The following SGSH variants were observed in gnomAD, a reference collection of about 807,000 sequenced individuals.
SGSH encodes the protein heparan sulfate sulfatase.
Under a neutral mutation model 51.0 loss-of-function variants are expected in SGSH, and 48 were observed. The observed-to-expected ratio is 0.94, with a 90% CI of 0.75 to 1.20. The LOEUF (loss-of-function observed/expected upper bound fraction) is 1.20, where lower values mean the gene tolerates loss of function less well. Among genes scored for constraint, SGSH ranks in the 50% most tolerant of loss-of-function variants. The pLI is 0.00. For missense variants in SGSH, 662 were observed against 717.8 expected (o/e 0.92, Z 0.89); for synonymous variants, 321 against 313.4 (o/e 1.02, Z -0.26).
downstream of SGSH, chr17:80,204,737 G>A (rs771347404): frequency 5.4e-5 from 23 of 425,796 alleles, no homozygotes; most frequent in Non-Finnish European, 7.5e-5. Flanking sequence ...CCTTTGGAAG[G>A]AAGAAAACCC....
chr17:80,210,345 G>A lies in SGSH; in HGVS notation c.*107C>T, dbSNP rs567331483. The stretch of plus-strand genomic sequence containing the variant: ...AAGAACCCTCCTTGGATGGGAGTGT[G>A]GACGGAAGGGCTGTTGCCACTACTC... On this transcript the variant is annotated 3_prime_UTR_variant, in exon 8 of 8. Coordinates refer to ENST00000326317, the MANE Select transcript of SGSH (RefSeq NM_000199.5). 2 of 1,457,010 alleles carry A rather than the reference G, an allele frequency of 1.4e-6. No individual in the cohort carries two copies. Among genetic ancestry groups the A allele is most frequent in the South Asian group, 1.4e-5 (1 of 71,202 alleles). The allele number at this position is 1,457,010 out of a possible 1,614,324, so 90.3% of individuals were successfully genotyped here. A position where few individuals can be genotyped will look rare whatever the true frequency, so the allele number is the denominator to read the frequency against.
intron 2 of SGSH, 88 bp from the exon 3 acceptor site, chr17:80,215,226 A>C (rs1188352716): frequency 2.1e-6 from 2 of 947,106 alleles, no homozygotes; most frequent in Admixed American, 3.9e-5. Flanking sequence ...TCCCATCCCC[A>C]GGGGCCTTCT....
At chr17:80,202,719 G>T, downstream of SGSH, 1 of 799,540 alleles carries the variant, frequency 1.3e-6, no homozygotes, top group Non-Finnish European at 1.8e-6. Flanking sequence ...TGGTGGGGCC[G>T]TCCTGGGCAC....
chr17:80,203,562 C>T, downstream of SGSH: 1 of 444,876 alleles, frequency 2.2e-6, no homozygotes, highest in Non-Finnish European at 4.0e-6. This position sits in a 1 kb window ranked among gnomAD's most constrained non-coding sequence, Gnocchi z 4.6. Flanking sequence ...TCAACAGCAC[C>T]CCCTGGGTCC....
intron 1 of SGSH, 57 bp downstream of exon 1, chr17:80,220,169 G>A: frequency 2.3e-6 from 3 of 1,331,422 alleles, no homozygotes; most frequent in Non-Finnish European, 3.1e-6. Context: ...GAGGAGGCCA[G>A]TGGCCACTTC....
rs1172713493 is a variant in SGSH at position 80,214,343 on chromosome 17, G to A, written c.507-15C>T. 1 of 1,609,746 alleles carries A rather than the reference G, an allele frequency of 6.2e-7. No individual in the cohort carries two copies. The highest frequency in any genetic ancestry group is 8.5e-7 in the Non-Finnish European group (1 of 1,178,076). The stretch of plus-strand genomic sequence containing the variant: ...GGAAGAAAGGCCTGCACGGGAGGAG[G>A]CTCATTGCCAAGGCTGCGGGGCCAC... On this transcript the variant is annotated splice_polypyrimidine_tract_variant and intron_variant, in intron 4 of 7. Coordinates refer to ENST00000326317, the MANE Select transcript of SGSH (RefSeq NM_000199.5).
intron 1 of SGSH, chr17:80,219,585 G>T (rs767708128): frequency 6.6e-6 from 1 of 152,310 alleles, no homozygotes; most frequent in Admixed American, 6.5e-5. Flanking sequence ...CAGAAAGAGG[G>T]CAACTGGCAG....
chr17:80,211,860 A>G, intron 7 of SGSH: 2 of 606,672 alleles, frequency 3.3e-6, no homozygotes, highest in Middle Eastern at 4.4e-4. Context: ...ATCCTAGCTT[A>G]GTGCTTACCA....
chr17:80,214,412 G>A (rs2041806811), intron 4 of SGSH, 84 bp from the exon 5 acceptor site: 38 of 1,472,826 alleles, frequency 2.6e-5, no homozygotes, highest in Non-Finnish European at 3.5e-5. Context: ...CTCCTCCTCT[G>A]TATCTGGAAG....
chr17:80,201,106 T>C, the SGSH span: 1 of 153,028 alleles, frequency 6.5e-6, no homozygotes, highest in Non-Finnish European at 1.5e-5. This position sits in a 1 kb window ranked among gnomAD's most constrained non-coding sequence, Gnocchi z 5.0. Context: ...ACAGAGCCCC[T>C]TGACGATGTT....
downstream of SGSH, among the ~76,000 whole-genome samples, chr17:80,207,404 A>G (rs949344418): frequency 2.6e-5 from 4 of 152,114 alleles, no homozygotes; most frequent in African/African-American, 9.7e-5. Flanking sequence ...TACAAAAACT[A>G]GCCAGGTGTG....
downstream of SGSH, chr17:80,205,222 G>A (rs1394318175): frequency 6.2e-7 from 1 of 1,602,686 alleles, no homozygotes; most frequent in African/African-American, 1.3e-5. Flanking sequence ...TGTTGCCTGG[G>A]AATCCCTCTA....
chr17:80,215,864 A>G (rs1030139472), intron 2 of SGSH, among the ~76,000 whole-genome samples: 4 of 152,168 alleles, frequency 2.6e-5, no homozygotes, highest in African/African-American at 9.7e-5. Context: ...TATTCACAAC[A>G]GCCAAAGGGT....
In SGSH at chr17:80,209,734, G is replaced by A. The variant is rs943151358; in HGVS notation, c.*718C>T. On this transcript the variant is annotated 3_prime_UTR_variant, in exon 8 of 8. Transcript: ENST00000326317. ...TAACCCAAGCCAGAGGACGGGCATC[G>A]CCATGCCTTCATCTTCGGACACTCT... 28 of 984,312 alleles carry A rather than the reference G, an allele frequency of 2.8e-5. No homozygotes were observed. The highest frequency in any genetic ancestry group is 1.6e-4 in the African/African-American group (9 of 56,418). 61.0% of individuals were successfully genotyped at this position (984,312 alleles called of 1,614,324 possible). A position where few individuals can be genotyped will look rare whatever the true frequency, so the allele number is the denominator to read the frequency against.
intron 2 of SGSH, among the ~76,000 whole-genome samples, chr17:80,215,893 C>G (rs1459941232): frequency 2.0e-5 from 3 of 152,184 alleles, no homozygotes; most frequent in Non-Finnish European, 4.4e-5. Context: ...CCCAAGTGCC[C>G]ACTGACGGAT....
chr17:80,209,482 T>C lies in SGSH; in HGVS notation c.*970A>G. On this transcript the variant is annotated 3_prime_UTR_variant, in exon 8 of 8. Transcript: ENST00000326317. Reference sequence around the variant, plus strand: ...GCCGGGCTTCTGCTCCCGAGGTGGGTGGAGGCAGGGCAGGAACGGCACATT... The same window carrying C: ...GCCGGGCTTCTGCTCCCGAGGTGGGCGGAGGCAGGGCAGGAACGGCACATT... 6.1e-6 allele frequency: 6 copies of C among 985,218 alleles called. No individual in the cohort carries two copies. Among genetic ancestry groups the C allele is most frequent in the Non-Finnish European group, 7.2e-6 (6 of 830,030 alleles). The allele number at this position is 985,218 out of a possible 1,614,324, so 61.0% of individuals were successfully genotyped here.
intron 7 of SGSH, 186 bp downstream of exon 7, chr17:80,211,885 A>G (rs2041680724): frequency 1.6e-6 from 1 of 643,324 alleles, no homozygotes; most frequent in Non-Finnish European, 2.8e-6. Flanking sequence ...TGCAATCCTG[A>G]GCAGCTTACT....
Position 80,210,111 on chromosome 17 carries a change from A to C in SGSH, c.*341T>G. On this transcript the variant is annotated 3_prime_UTR_variant, in exon 8 of 8. Transcript: ENST00000326317. ...GGTCCCCAAACCAAGCCAGAAAACA[A>C]GACTCCCTTGTCATGGGCTGGGGGC... 8.5e-7 allele frequency: 1 copy of C among 1,183,262 alleles called. No individual in the cohort carries two copies. The highest frequency in any genetic ancestry group is 1.1e-6 in the Non-Finnish European group (1 of 949,396). 73.3% of individuals were successfully genotyped at this position (1,183,262 alleles called of 1,614,324 possible). A position where few individuals can be genotyped will look rare whatever the true frequency, so the allele number is the denominator to read the frequency against.
At chr17:80,205,285 T>A, downstream of SGSH, 1 of 993,216 alleles carries the variant, frequency 1.0e-6, no homozygotes, top group Non-Finnish European at 1.4e-6. Context: ...CTTCCTCCCC[T>A]TCCTCCCTCC....
Sources: gnomAD v4.1 joint callset for allele counts (sites outside exome capture counted in the v4.1 genomes callset) on GRCh38, gnomAD v4.1.1 for gene constraint, Gnocchi (gnomAD v3.1) non-coding constraint, MANE v1.5 for transcripts, NCBI Gene and HGNC (gene_info 2026-07-23, HGNC 2026-07-21) for gene names.